ATE1: variants seen among roughly 807,000 people sequenced by gnomAD.
ATE1 encodes the protein arginyl-tRNA--protein transferase 1.
In ATE1, 36 loss-of-function variants were observed where a neutral mutation model predicts 70.5. The ratio of observed to expected loss-of-function variants is 0.51; its 90% CI spans 0.39 to 0.67. The LOEUF is 0.67. ATE1 is among the 30% of genes least tolerant of loss of function. The pLI, the probability that ATE1 is intolerant of heterozygous loss-of-function variation, is 0.00. For missense variants in ATE1, 593 were observed against 629.5 expected, an observed-to-expected ratio of 0.94 and a Z score of 0.62; for synonymous variants, 232 against 219.3, an observed-to-expected ratio of 1.06 and a Z score of -0.51.
Position 121,928,000 on chromosome 10 carries a change from G to C in ATE1, c.-51C>G, listed in dbSNP as rs575951350. ...CGCCCGGCCCCGCGTCGCTAGCGCG[G>C]CCGCCGCCGCCACCCCACAATGCAG... On this transcript the variant is annotated 5_prime_UTR_variant, in exon 1 of 12. Coordinates refer to ENST00000224652, the MANE Select transcript of ATE1 (RefSeq NM_001001976.3). 2 of 1,394,338 alleles carry C rather than the reference G, an allele frequency of 1.4e-6. No individual in the cohort carries two copies. The highest frequency in any genetic ancestry group is 3.2e-5 in the South Asian group (2 of 62,482). The allele number at this position is 1,394,338 out of a possible 1,614,324, so 86.4% of individuals were successfully genotyped here.
At chr10:121,774,347 T>C (rs1271598431) in intron 11 of ATE1, among the ~76,000 whole-genome samples, 1 of 152,076 alleles carries the variant, frequency 6.6e-6, no homozygotes, top group Non-Finnish European at 1.5e-5. Flanking sequence ...TAATCCCCCC[T>C]CCTCCCCAAT....
At chr10:121,780,318 C>T (rs1945928780) in intron 11 of ATE1, among the ~76,000 whole-genome samples, 1 of 152,200 alleles carries the variant, frequency 6.6e-6, no homozygotes, top group Non-Finnish European at 1.5e-5. Context: ...TCTTCACAAA[C>T]TCTTTCCCTC....
intron 10 of ATE1, among the ~76,000 whole-genome samples, chr10:121,803,553 T>C (rs1263313376): frequency 6.6e-6 from 1 of 152,210 alleles, no homozygotes; most frequent in Non-Finnish European, 1.5e-5. Context: ...ATTAGAATCA[T>C]TTAGGATCTG....
chr10:121,878,402 G>C (rs1950125840), intron 7 of ATE1, among the ~76,000 whole-genome samples: 1 of 152,002 alleles, frequency 6.6e-6, no homozygotes, highest in Non-Finnish European at 1.5e-5. Context: ...AGACCAGCCT[G>C]GTCAACATGG....
chr10:121,883,169 G>GC (rs1422765382), intron 7 of ATE1, among the ~76,000 whole-genome samples: 11 of 152,046 alleles, frequency 7.2e-5, no homozygotes, highest in African/African-American at 2.7e-4. Flanking sequence ...CTTTATACCT[G>GC]CTCTATTTTT....
At chr10:121,817,689 GGA>G (rs1422004858) in intron 10 of ATE1, among the ~76,000 whole-genome samples, 2 of 152,122 alleles carry the variant, frequency 1.3e-5, no homozygotes, top group African/African-American at 4.8e-5. Flanking sequence ...TTTGTATCAA[GGA>G]GAGTCAGGCA....
rs371243107 is a variant in ATE1 at position 121,878,820 on chromosome 10, C to G, written c.943-8782G>C. Among the ~76,000 whole-genome samples the G allele has an allele frequency of 1.9e-4, 29 of 152,134 alleles. 1 individual carries two copies. In the South Asian group the frequency reaches 5.8e-3, roughly 31 times the overall value. ...GTTCACCTCTTTTACATACTGAGAT[C>G]CAAAAATGTTACATTATTTTACAGA... On this transcript the variant is annotated intron_variant, in intron 7 of 11. Coordinates refer to ENST00000224652, the MANE Select transcript of ATE1 (RefSeq NM_001001976.3).
intron 9 of ATE1, among the ~76,000 whole-genome samples, chr10:121,837,666 T>C (rs1357414480): frequency 2.0e-5 from 3 of 152,224 alleles, no homozygotes; most frequent in Non-Finnish European, 2.9e-5. Flanking sequence ...TCTGTGCATT[T>C]TTCTACTTCA....
chr10:121,861,487 C>G lies in ATE1; in HGVS notation c.975+8519G>C, dbSNP rs375841260. Among the ~76,000 whole-genome samples, 1,055 of 150,464 alleles carry G rather than the reference C, an allele frequency of 7.0e-3. 25 individuals are homozygous for G. Among genetic ancestry groups the G allele is most frequent in the African/African-American group, 0.024 (998 of 40,906 alleles). ...AATCATCATTCTCAGTAAACTATCG[C>G]AAGAACAAAAAACCAAACACCGCAT... On this transcript the variant is annotated intron_variant, in intron 8 of 11. Coordinates refer to ENST00000224652, the MANE Select transcript of ATE1 (RefSeq NM_001001976.3).
intron 7 of ATE1, chr10:121,899,005 A>C: frequency 5.0e-6 from 8 of 1,607,768 alleles, no homozygotes; most frequent in Non-Finnish European, 6.8e-6. Context: ...AATGCTATTG[A>C]AACATCTCTG....
chr10:121,871,553 T>C (rs1949860753), intron 7 of ATE1, among the ~76,000 whole-genome samples: 1 of 152,202 alleles, frequency 6.6e-6, no homozygotes, highest in African/African-American at 2.4e-5. Flanking sequence ...TCTATCTACT[T>C]TGTAAATGTT....
At chr10:121,780,448 T>A (rs952219365) in intron 11 of ATE1, among the ~76,000 whole-genome samples, 1 of 152,222 alleles carries the variant, frequency 6.6e-6, no homozygotes, top group Non-Finnish European at 1.5e-5. Context: ...CAGACCATCA[T>A]CATCTTTTGC....
chr10:121,927,760 C>T, intron 1 of ATE1, 84 bp downstream of exon 1: 1 of 1,441,788 alleles, frequency 6.9e-7, no homozygotes. Flanking sequence ...GGGGCTCCGG[C>T]CCCCTCGCGT....
chr10:121,765,602 AAAAAT>A (rs1356509625), intron 11 of ATE1, among the ~76,000 whole-genome samples: 5 of 152,236 alleles, frequency 3.3e-5, no homozygotes, highest in African/African-American at 1.2e-4. Context: ...ACTTGGCTTT[AAAAAT>A]AATGCTCCAG....
chr10:121,904,326 T>C (rs2134346032), intron 5 of ATE1, among the ~76,000 whole-genome samples: 1 of 151,634 alleles, frequency 6.6e-6, no homozygotes, highest in East Asian at 2.0e-4. Flanking sequence ...TTTTAGAAGA[T>C]ATTAAAGAAA....
At chr10:121,844,242 G>T (rs1275655368) in intron 8 of ATE1, among the ~76,000 whole-genome samples, 1 of 152,218 alleles carries the variant, frequency 6.6e-6, no homozygotes, top group Non-Finnish European at 1.5e-5. Context: ...TTCAGCCTAT[G>T]CAAGACCCTG....
rs1317644135 is a variant in ATE1 at position 121,742,692 on chromosome 10, A to G, written c.*988T>C. ...AGAAGCCACCCTGACTGTGACTCTC[A>G]AATCAAAGGACAAGAAATGGATTGT... On this transcript the variant is annotated 3_prime_UTR_variant, in exon 12 of 12. Transcript: ENST00000224652. The G allele has an allele frequency of 1.3e-5, 2 of 152,240 alleles. No homozygotes were observed. The highest frequency in any genetic ancestry group is 2.9e-5 in the Non-Finnish European group (2 of 68,046). 9.4% of individuals were successfully genotyped at this position (152,240 alleles called of 1,614,324 possible). A position where few individuals can be genotyped will look rare whatever the true frequency, so the allele number is the denominator to read the frequency against.
intron 11 of ATE1, among the ~76,000 whole-genome samples, chr10:121,768,614 A>G (rs1030528975): frequency 6.6e-6 from 1 of 152,182 alleles, no homozygotes; most frequent in Non-Finnish European, 1.5e-5. Flanking sequence ...CTGTGACTCT[A>G]AGACCAGTTT....
intron 8 of ATE1, among the ~76,000 whole-genome samples, chr10:121,844,813 C>T (rs181594337): frequency 6.6e-6 from 1 of 151,960 alleles, no homozygotes. Flanking sequence ...GTGAAAGATG[C>T]CGATCTGAAA....
Sources: gnomAD v4.1 joint callset for allele counts (sites outside exome capture counted in the v4.1 genomes callset) on GRCh38, gnomAD v4.1.1 for gene constraint, MANE v1.5 for transcripts, NCBI Gene and HGNC (gene_info 2026-07-23, HGNC 2026-07-21) for gene names.